SLCO5A1: variants seen among roughly 807,000 people sequenced by gnomAD.
SLCO5A1 encodes the protein organic anion transporter polypeptide-related protein 4.
SLCO5A1 carries 39 observed loss-of-function variants against 65.1 expected under a neutral mutation model. The observed-to-expected ratio is 0.60, with a 90% CI of 0.46 to 0.78. SLCO5A1 has a LOEUF of 0.78. SLCO5A1 is among the 30% of genes least tolerant of loss of function. The pLI is 0.00. For synonymous variants in SLCO5A1, 438 were observed against 415.7 expected, an observed-to-expected ratio of 1.05 and a Z score of -0.65; for missense variants, 1,029 against 1,069.4, an observed-to-expected ratio of 0.96 and a Z score of 0.53.
chr8:69,805,025 A>C (rs1819929013), intron 2 of SLCO5A1, among the ~76,000 whole-genome samples: 1 of 152,082 alleles, frequency 6.6e-6, no homozygotes, highest in Admixed American at 6.6e-5. Context: ...TCAGAGAATG[A>C]CAGTCATCAT....
chr8:69,720,374 AC>A (rs1218976917), intron 5 of SLCO5A1, among the ~76,000 whole-genome samples: 1 of 152,228 alleles, frequency 6.6e-6, no homozygotes, highest in Non-Finnish European at 1.5e-5. Flanking sequence ...CAGATATTAT[AC>A]TAGGAAGTCT....
intron 2 of SLCO5A1, among the ~76,000 whole-genome samples, chr8:69,814,454 T>C (rs56274503): frequency 0.013 from 1,951 of 151,920 alleles, 13 homozygotes; most frequent in Middle Eastern, 0.024. Context: ...GAAATGCAAA[T>C]TAAAACCACA....
At chr8:69,697,351 C>T (rs149783218) in intron 6 of SLCO5A1, among the ~76,000 whole-genome samples, 2,679 of 152,250 alleles carry the variant, frequency 0.018, 81 homozygotes, top group African/African-American at 0.058. Flanking sequence ...GATTGTGCCA[C>T]TGCACTCCTG....
intron 2 of SLCO5A1, among the ~76,000 whole-genome samples, chr8:69,765,771 C>A (rs1178796660): frequency 6.6e-6 from 1 of 152,100 alleles, no homozygotes; most frequent in African/African-American, 2.4e-5. Flanking sequence ...TCAGCACAGG[C>A]CTAGGTGGAA....
At chr8:69,731,062 A>G (rs1049710721) in intron 5 of SLCO5A1, among the ~76,000 whole-genome samples, 30 of 152,108 alleles carry the variant, frequency 2.0e-4, no homozygotes, top group African/African-American at 7.0e-4. Flanking sequence ...CAGTAGCACA[A>G]TCTCGGCTCA....
At chr8:69,708,179 G>T (rs1307805186) in intron 5 of SLCO5A1, among the ~76,000 whole-genome samples, 2 of 152,170 alleles carry the variant, frequency 1.3e-5, no homozygotes, top group Non-Finnish European at 2.9e-5. Flanking sequence ...AAAAATGTCG[G>T]AAGCAGGAAA....
chr8:69,698,856 G>A (rs903655841), intron 6 of SLCO5A1, among the ~76,000 whole-genome samples: 1 of 152,262 alleles, frequency 6.6e-6, no homozygotes, highest in South Asian at 2.1e-4. Flanking sequence ...CTGGCAAAAT[G>A]AGGAGTTACC....
chr8:69,810,903 C>T (rs1242145049), intron 2 of SLCO5A1, among the ~76,000 whole-genome samples: 2 of 152,152 alleles, frequency 1.3e-5, no homozygotes, highest in African/African-American at 4.8e-5. Flanking sequence ...TTTCGGTCTA[C>T]ATCCCCAAAC....
rs570426871 is a variant in SLCO5A1 at position 69,746,985 on chromosome 8, A to G, written c.1258+8439T>C. Among the ~76,000 whole-genome samples, 22 of 152,280 alleles carry G rather than the reference A, an allele frequency of 1.4e-4. No homozygotes were observed. The South Asian group carries it at 4.6e-3, about 32-fold the overall frequency. ...CACCTGTCCTAAATCACCCAGGGTC[A>G]GGTACCAGACAACTGGAGATCATCC... On this transcript the variant is annotated intron_variant, in intron 4 of 9. Coordinates refer to ENST00000260126, the MANE Select transcript of SLCO5A1 (RefSeq NM_030958.3).
At chr8:69,679,098 C>T (rs2130786665) in intron 8 of SLCO5A1, among the ~76,000 whole-genome samples, 1 of 151,926 alleles carries the variant, frequency 6.6e-6, no homozygotes, top group East Asian at 1.9e-4. Flanking sequence ...AGGGCAGAGA[C>T]TTCAGGAATC....
At chr8:69,682,494 T>A in intron 6 of SLCO5A1, 151 bp from the exon 7 acceptor site, 1 of 627,176 alleles carries the variant, frequency 1.6e-6, no homozygotes, top group Non-Finnish European at 2.2e-6. Flanking sequence ...CCTCAACAAT[T>A]ATTTTGTGAC....
chr8:69,791,398 A>G (rs953656322), intron 2 of SLCO5A1, among the ~76,000 whole-genome samples: 3 of 152,258 alleles, frequency 2.0e-5, no homozygotes, highest in Admixed American at 1.3e-4. Context: ...AATCCAAGAC[A>G]TGGATGTACT....
chr8:69,785,425 TA>T (rs1205764015), intron 2 of SLCO5A1, among the ~76,000 whole-genome samples: 2 of 152,204 alleles, frequency 1.3e-5, no homozygotes, highest in African/African-American at 4.8e-5. Context: ...ATTATTGACA[TA>T]AGTTATTCTA....
At chr8:69,785,097 G>GGA (rs377650577) in intron 2 of SLCO5A1, among the ~76,000 whole-genome samples, 5 of 150,152 alleles carry the variant, frequency 3.3e-5, no homozygotes, top group African/African-American at 7.3e-5. Flanking sequence ...AGGGAAGGAC[G>GGA]GAGAGAGAGA....
rs549170003 is a variant in SLCO5A1, at chr8:69,715,737, G to A, written c.1424-10508C>T. Among the ~76,000 whole-genome samples, 4 of 152,218 alleles carry A rather than the reference G, an allele frequency of 2.6e-5. No individual in the cohort carries two copies. In the South Asian group the frequency reaches 8.3e-4, roughly 32 times the overall value. On this transcript the variant is annotated intron_variant, in intron 5 of 9. Coordinates refer to ENST00000260126, the MANE Select transcript of SLCO5A1 (RefSeq NM_030958.3). ...CCATATTAATTCTGCCGAGTGAATA[G>A]GGAAGACCAGAGCAGACATTTCATA...
intron 4 of SLCO5A1, among the ~76,000 whole-genome samples, chr8:69,753,619 T>G (rs1375295449): frequency 1.3e-5 from 2 of 152,220 alleles, no homozygotes; most frequent in Non-Finnish European, 2.9e-5. Context: ...ATATTTCATA[T>G]TCAAGTCACC....
In SLCO5A1 at chr8:69,693,901, A is replaced by G. The variant is rs528587904; in HGVS notation, c.1622+11130T>C. On this transcript the variant is annotated intron_variant, in intron 6 of 9. Coordinates refer to ENST00000260126, the MANE Select transcript of SLCO5A1 (RefSeq NM_030958.3). ...ATCTGTAGTCTCACCTTAAAGATGT[A>G]GAAACCAAGCCCAGAAAAGTCAAAT... Among the ~76,000 whole-genome samples, 14 of 152,362 alleles carry G rather than the reference A, an allele frequency of 9.2e-5. No homozygotes were observed. In the South Asian group the frequency reaches 2.3e-3, roughly 25 times the overall value.
chr8:69,810,931 A>C (rs1324246441), intron 2 of SLCO5A1, among the ~76,000 whole-genome samples: 2 of 152,132 alleles, frequency 1.3e-5, no homozygotes, highest in Non-Finnish European at 1.5e-5. Context: ...ACAGACATTC[A>C]CATGCACACC....
At chr8:69,731,333 C>T (rs1816329324) in intron 5 of SLCO5A1, among the ~76,000 whole-genome samples, 1 of 152,184 alleles carries the variant, frequency 6.6e-6, no homozygotes, top group South Asian at 2.1e-4. Context: ...CTTTCAACAG[C>T]AAAAACCGCA....
Sources: gnomAD v4.1 joint callset for allele counts (sites outside exome capture counted in the v4.1 genomes callset) on GRCh38, gnomAD v4.1.1 for gene constraint, MANE v1.5 for transcripts, NCBI Gene and HGNC (gene_info 2026-07-23, HGNC 2026-07-21) for gene names.